Variants in POLR1D observed in about 807,000 individuals in gnomAD.
POLR1D encodes DNA-directed RNA polymerases I and III subunit RPAC2.
Under a neutral mutation model 10.8 loss-of-function variants are expected in POLR1D, and 8 were observed. That is an observed-to-expected ratio of 0.74 (90% CI 0.43 to 1.33). The LOEUF (loss-of-function observed/expected upper bound fraction) is 1.33. Ranked by LOEUF, POLR1D falls within the 40% of genes most tolerant of loss-of-function variation. POLR1D has a pLI of 0.01. For missense variants in POLR1D, 152 were observed against 161.7 expected (o/e 0.94, Z 0.32); for synonymous variants, 54 against 57.2 (o/e 0.94, Z 0.25).
Position 27,653,303 on chromosome 13 carries a change from C to T in POLR1D, c.101+4850C>T, listed in dbSNP as rs148047088. ...TCATCTTTTTTTTCATAGGCAGTTGCGTGGCAGATAAGTATCTGGGGTTCT... is the reference window on the plus strand; with the variant it reads ...TCATCTTTTTTTTCATAGGCAGTTGTGTGGCAGATAAGTATCTGGGGTTCT... On this transcript the variant is annotated intron_variant, in intron 2 of 2. Transcript: ENST00000399697. Among the ~76,000 whole-genome samples the T allele has an allele frequency of 9.1e-3, 1,384 of 151,946 alleles. 82 individuals carry two copies. The highest frequency in any genetic ancestry group is 0.081 in the Admixed American group (1,235 of 15,268).
At chr13:27,659,538 C>T (rs191677133) in intron 2 of POLR1D, among the ~76,000 whole-genome samples, 2 of 152,282 alleles carry the variant, frequency 1.3e-5, no homozygotes, top group African/African-American at 2.4e-5. Flanking sequence ...ACTTAACACT[C>T]CTTGTATGGC....
intron 1 of POLR1D, among the ~76,000 whole-genome samples, chr13:27,633,941 T>C (rs1328840842): frequency 2.0e-5 from 3 of 152,230 alleles, no homozygotes; most frequent in African/African-American, 7.2e-5. Flanking sequence ...TATCTCTTCA[T>C]TCCCTGAAGA....
chr13:27,655,958 G>GTAAACAAAAAAAAGAATGGAGACC (rs1566152008), intron 2 of POLR1D, among the ~76,000 whole-genome samples: 4 of 152,034 alleles, frequency 2.6e-5, no homozygotes, highest in Admixed American at 6.6e-5. Flanking sequence ...AGTGGAGAAA[G>GTAAACAAAAAAAAGAATGGAGACC]GGTGGATTAT....
At chr13:27,664,176 T>C (rs1332894979) in intron 2 of POLR1D, among the ~76,000 whole-genome samples, 1 of 152,224 alleles carries the variant, frequency 6.6e-6, no homozygotes, top group African/African-American at 2.4e-5. Context: ...AGGAATGTCC[T>C]AATGCCAGCG....
chr13:27,627,281 GTTT>G (rs749694500), downstream of POLR1D, among the ~76,000 whole-genome samples: 1 of 144,220 alleles, frequency 6.9e-6, no homozygotes, highest in Non-Finnish European at 1.5e-5. Flanking sequence ...CGTGGGTCTG[GTTT>G]TTTTTTTTTT....
chr13:27,626,324 G>A (rs34767548), downstream of POLR1D, among the ~76,000 whole-genome samples: 19,842 of 152,118 alleles, frequency 0.13, 1,405 homozygotes, highest in Middle Eastern at 0.19. Flanking sequence ...AGCCAGAGGC[G>A]ACCGCTCACC....
At position 27,634,675 on chromosome 13, in the gene POLR1D, C is replaced by CTTT. The variant is rs369618281; in HGVS notation, c.26+12682_26+12684dup. Among the ~76,000 whole-genome samples, 1,158 of 124,966 alleles carry CTTT rather than the reference C, an allele frequency of 9.3e-3. 33 individuals carry two copies. Among genetic ancestry groups the CTTT allele is most frequent in the African/African-American group, 0.033 (1,098 of 33,096 alleles). The allele number at this position is 124,966 out of a possible 152,430, so 82.0% of individuals were successfully genotyped here. A position where few individuals can be genotyped will look rare whatever the true frequency, so the allele number is the denominator to read the frequency against. ...AGATGGCCTGACTCCATAGACTCTG[C>CTTT]TTTTTTTTTTTTTTTTTTGGCACAT... is the stretch of plus-strand genomic sequence containing the variant. On this transcript the variant is annotated intron_variant, in intron 1 of 2. Transcript: ENST00000399697.
chr13:27,635,743 T>TAA, intron 1 of POLR1D, among the ~76,000 whole-genome samples: 1 of 148,710 alleles, frequency 6.7e-6, no homozygotes, highest in East Asian at 2.0e-4. Flanking sequence ...CACATATATA[T>TAA]ATATAAATTG....
chr13:27,637,206 G>C (rs144500937), intron 1 of POLR1D, among the ~76,000 whole-genome samples: 1 of 152,248 alleles, frequency 6.6e-6, no homozygotes, highest in Non-Finnish European at 1.5e-5. Flanking sequence ...AAAGGTAAAG[G>C]TTGGATTAAT....
chr13:27,632,287 G>A (rs1230503840), intron 1 of POLR1D, among the ~76,000 whole-genome samples: 2 of 152,172 alleles, frequency 1.3e-5, no homozygotes, highest in African/African-American at 2.4e-5. Context: ...GGGAAAAAGT[G>A]GTAGGATTGT....
At chr13:27,635,735 C>CACAT (rs1566145522) in intron 1 of POLR1D, among the ~76,000 whole-genome samples, 1 of 120,470 alleles carries the variant, frequency 8.3e-6, no homozygotes, top group Non-Finnish European at 1.9e-5. Flanking sequence ...TACATACACA[C>CACAT]ATATATATAT....
At chr13:27,657,272 G>A (rs923983748) in intron 2 of POLR1D, among the ~76,000 whole-genome samples, 1 of 152,174 alleles carries the variant, frequency 6.6e-6, no homozygotes, top group Non-Finnish European at 1.5e-5. Context: ...GCTCACACCA[G>A]TAATCCTAGC....
intron 2 of POLR1D, among the ~76,000 whole-genome samples, chr13:27,649,608 T>A (rs1203663540): frequency 1.3e-5 from 2 of 151,976 alleles, no homozygotes; most frequent in Non-Finnish European, 2.9e-5. Context: ...AAATATAAAA[T>A]CAAAGAAATA....
chr13:27,659,155 C>T (rs142519095), intron 2 of POLR1D, among the ~76,000 whole-genome samples: 2 of 152,284 alleles, frequency 1.3e-5, no homozygotes, highest in Admixed American at 6.5e-5. Flanking sequence ...TTTCTCCAGT[C>T]TTTATCCAGA....
At chr13:27,634,918 A>C (rs932851576) in intron 1 of POLR1D, among the ~76,000 whole-genome samples, 8 of 151,818 alleles carry the variant, frequency 5.3e-5, no homozygotes, top group Non-Finnish European at 1.0e-4. Flanking sequence ...CAACCTATCC[A>C]CCTGCCTTGG....
chr13:27,665,734 A>G, exon 3 of POLR1D: 1 of 1,613,880 alleles, frequency 6.2e-7, no homozygotes, highest in Non-Finnish European at 8.5e-7. Flanking sequence ...TAATTAACAC[A>G]ATTAAAAACA....
chr13:27,634,082 T>C (rs992073981), intron 1 of POLR1D, among the ~76,000 whole-genome samples: 1 of 152,206 alleles, frequency 6.6e-6, no homozygotes, highest in East Asian at 1.9e-4. Flanking sequence ...TTTTGTTTAT[T>C]GGTTTGTTTA....
chr13:27,625,014 G>T (rs191114828), downstream of POLR1D, among the ~76,000 whole-genome samples: 1 of 152,136 alleles, frequency 6.6e-6, no homozygotes, highest in Admixed American at 6.6e-5. Flanking sequence ...AGAGATTACA[G>T]GAAGGGAGAG....
At chr13:27,664,977 T>G (rs1956400904) in intron 2 of POLR1D, 1 of 152,352 alleles carries the variant, frequency 6.6e-6, no homozygotes, top group Non-Finnish European at 1.5e-5. Flanking sequence ...ACATAGTATA[T>G]AAGTAGATCT....
Sources: gnomAD v4.1 joint callset for allele counts (sites outside exome capture counted in the v4.1 genomes callset) on GRCh38, gnomAD v4.1.1 for gene constraint, MANE v1.5 for transcripts, NCBI Gene and HGNC (gene_info 2026-07-23, HGNC 2026-07-21) for gene names.